CD5: variants seen among roughly 807,000 people sequenced by gnomAD.
CD5 encodes the protein T-cell surface glycoprotein CD5.
CD5 carries 36 observed loss-of-function variants against 60.3 expected under a neutral mutation model. The observed-to-expected ratio is 0.60, with a 90% CI of 0.46 to 0.79. The LOEUF is 0.79. Ranked by LOEUF, CD5 falls within the 30% of genes least tolerant of loss-of-function variation. The pLI is 0.00. For missense variants in CD5, 540 were observed against 630.6 expected (o/e 0.86, Z 1.54); for synonymous variants, 230 against 257.6 (o/e 0.89, Z 1.03).
intron 7 of CD5, among the ~76,000 whole-genome samples, chr11:61,123,592 C>T (rs2302462): frequency 1.3e-5 from 2 of 152,150 alleles, no homozygotes; most frequent in East Asian, 3.9e-4. Flanking sequence ...GGTCCTAGTG[C>T]CTGCCCAGGT....
intron 2 of CD5, 135 bp downstream of exon 2, chr11:61,115,229 C>T (rs1860921544): frequency 2.8e-6 from 2 of 716,982 alleles, no homozygotes; most frequent in African/African-American, 3.5e-5. Context: ...GAGAGTGAAC[C>T]CCAGCATACA....
chr11:61,098,154 G>A (rs1249551119), upstream of CD5, among the ~76,000 whole-genome samples: 1 of 152,110 alleles, frequency 6.6e-6, no homozygotes, highest in African/African-American at 2.4e-5. Flanking sequence ...AGCACTAGGA[G>A]GATTTAAAAC....
Position 61,123,768 on chromosome 11 carries a change from C to G in CD5, c.1226-116C>G, listed in dbSNP as rs570359294. Reference sequence around the variant, plus strand: ...GGGCAGAGCCCAGCAGCCCTGCCCTCAGCTGCACCTGCCGCCACCATCTCC... The same window carrying G: ...GGGCAGAGCCCAGCAGCCCTGCCCTGAGCTGCACCTGCCGCCACCATCTCC... On this transcript the variant is annotated intron_variant, in intron 7 of 10. Coordinates refer to ENST00000347785, the MANE Select transcript of CD5 (RefSeq NM_014207.4). 1.4e-4 allele frequency: 111 copies of G among 793,568 alleles called. 1 individual carries two copies. The African/African-American group carries it at 1.5e-3, about 11-fold the overall frequency. 49.2% of individuals were successfully genotyped at this position (793,568 alleles called of 1,614,324 possible). A position where few individuals can be genotyped will look rare whatever the true frequency, so the allele number is the denominator to read the frequency against.
chr11:61,108,794 G>A (rs1428026852), intron 1 of CD5, among the ~76,000 whole-genome samples: 1 of 152,214 alleles, frequency 6.6e-6, no homozygotes, highest in African/African-American at 2.4e-5. Flanking sequence ...AGTCATAGGT[G>A]TTTTATCTGT....
intron 1 of CD5, among the ~76,000 whole-genome samples, chr11:61,106,276 T>C (rs1281226048): frequency 6.6e-6 from 1 of 152,040 alleles, no homozygotes; most frequent in Admixed American, 6.5e-5. Flanking sequence ...AGGGCCTCTC[T>C]AAGGAGGCGA....
At chr11:61,123,675 C>T (rs12364244) in intron 7 of CD5, among the ~76,000 whole-genome samples, 16,572 of 152,102 alleles carry the variant, frequency 0.11, 952 homozygotes, top group African/African-American at 0.14. Flanking sequence ...CCTGCTCCTT[C>T]GGCACAGGAT....
At chr11:61,112,501 G>A (rs888435261) in intron 1 of CD5, among the ~76,000 whole-genome samples, 3 of 152,074 alleles carry the variant, frequency 2.0e-5, no homozygotes, top group African/African-American at 7.2e-5. Context: ...AAAATTAGTC[G>A]GGCGTGGTGG....
At chr11:61,123,068 G>A (rs760968026) in intron 7 of CD5, 36 bp downstream of exon 7, 30 of 1,568,966 alleles carry the variant, frequency 1.9e-5, no homozygotes, top group African/African-American at 1.4e-4. Context: ...CCGTTCCCAC[G>A]TGCAGAGACT....
upstream of CD5, among the ~76,000 whole-genome samples, chr11:61,101,952 ACT>A (rs1860699648): frequency 6.9e-6 from 1 of 145,178 alleles, no homozygotes; most frequent in African/African-American, 2.6e-5. Context: ...ACACACACAC[ACT>A]GGCACAAGCC....
At chr11:61,099,660 A>ATT (rs1860632169), upstream of CD5, among the ~76,000 whole-genome samples, 3 of 151,726 alleles carry the variant, frequency 2.0e-5, no homozygotes, top group South Asian at 2.1e-4. Flanking sequence ...GAGATCACAA[A>ATT]CACACATCAA....
At chr11:61,120,854 C>A (rs997336340) in intron 5 of CD5, among the ~76,000 whole-genome samples, 3 of 152,240 alleles carry the variant, frequency 2.0e-5, no homozygotes, top group African/African-American at 2.4e-5. Context: ...TTCCTGCAGG[C>A]TACAACCTGT....
chr11:61,099,733 T>C (rs1358866266), upstream of CD5, among the ~76,000 whole-genome samples: 1 of 122,968 alleles, frequency 8.1e-6, no homozygotes, highest in Admixed American at 7.8e-5. Context: ...GAGATCACAT[T>C]CACACACATC....
chr11:61,100,321 G>T (rs201614257), upstream of CD5, among the ~76,000 whole-genome samples: 1 of 52,606 alleles, frequency 1.9e-5, no homozygotes, highest in East Asian at 1.3e-3. Flanking sequence ...ACACACACAC[G>T]ACATGGAGAT....
intron 1 of CD5, among the ~76,000 whole-genome samples, chr11:61,112,193 G>A (rs78068451): frequency 0.02 from 2,996 of 152,310 alleles, 87 homozygotes; most frequent in South Asian, 0.059. Flanking sequence ...AAGGCAGACT[G>A]CCCTGCTCCT....
chr11:61,098,365 ATGAG>A (rs1452183082), upstream of CD5, among the ~76,000 whole-genome samples: 1 of 152,238 alleles, frequency 6.6e-6, no homozygotes, highest in Admixed American at 6.5e-5. Flanking sequence ...ACTCCCACTC[ATGAG>A]TGAGATTCTC....
At chr11:61,122,715 T>G (rs1861085364) in intron 6 of CD5, among the ~76,000 whole-genome samples, 192 bp from the exon 7 acceptor site, 1 of 152,126 alleles carries the variant, frequency 6.6e-6, no homozygotes, top group African/African-American at 2.4e-5. Flanking sequence ...AAATGGTGGG[T>G]GGGTGAGTGG....
At position 61,118,651 on chromosome 11, in the gene CD5, G is replaced by T. The variant is rs911227372; in HGVS notation, c.400+171G>T. Among the ~76,000 whole-genome samples, 1 of 152,244 alleles carries T rather than the reference G, an allele frequency of 6.6e-6. No individual in the cohort carries two copies. Among genetic ancestry groups the T allele is most frequent in the Non-Finnish European group, 1.5e-5 (1 of 68,046 alleles). On this transcript the variant is annotated intron_variant, in intron 3 of 10. Transcript: ENST00000347785. The surrounding 1 kb of genome is among the most constrained non-coding windows in gnomAD (Gnocchi z 4.7). Reference sequence around the variant, plus strand: ...CCAGGAGGGGGACTGGAAGGGGCCAGCACCCATCTGTAGGATGGCAATGGA... The same window carrying T: ...CCAGGAGGGGGACTGGAAGGGGCCATCACCCATCTGTAGGATGGCAATGGA...
chr11:61,116,189 G>C (rs1482135916), intron 2 of CD5, among the ~76,000 whole-genome samples: 1 of 151,786 alleles, frequency 6.6e-6, no homozygotes, highest in Non-Finnish European at 1.5e-5. Flanking sequence ...AAAATTTCTT[G>C]AATCAGTGAC....
upstream of CD5, among the ~76,000 whole-genome samples, chr11:61,100,248 ACAT>A (rs369106055): frequency 9.9e-5 from 14 of 141,346 alleles, no homozygotes; most frequent in Admixed American, 5.5e-4. Flanking sequence ...TCACACACAC[ACAT>A]CAACATGGAG....
Sources: gnomAD v4.1 joint callset for allele counts (sites outside exome capture counted in the v4.1 genomes callset) on GRCh38, gnomAD v4.1.1 for gene constraint, Gnocchi (gnomAD v3.1) non-coding constraint, MANE v1.5 for transcripts, NCBI Gene and HGNC (gene_info 2026-07-23, HGNC 2026-07-21) for gene names.